The following SDCCAG8 variants were observed in gnomAD, a reference collection of about 807,000 sequenced individuals.
The protein encoded by SDCCAG8 is serologically defined colon cancer antigen 8.
Under a neutral mutation model 101.8 loss-of-function variants are expected in SDCCAG8, and 74 were observed. The observed-to-expected ratio is 0.73, with a 90% CI of 0.60 to 0.88. SDCCAG8 has a LOEUF of 0.88. Among genes scored for constraint, SDCCAG8 ranks in the 40% least tolerant of loss-of-function variants. The pLI, the probability that SDCCAG8 is intolerant of heterozygous loss-of-function variation, is 0.00. For synonymous variants in SDCCAG8, 281 were observed against 292.9 expected, an observed-to-expected ratio of 0.96 and a Z score of 0.41; for missense variants, 787 against 822.6, an observed-to-expected ratio of 0.96 and a Z score of 0.53.
intron 16 of SDCCAG8, among the ~76,000 whole-genome samples, chr1:243,437,465 G>A (rs2082211978): frequency 6.6e-6 from 1 of 151,930 alleles, no homozygotes. Context: ...AGGTTTGGAG[G>A]TACAGGGCAC....
intron 13 of SDCCAG8, among the ~76,000 whole-genome samples, chr1:243,396,203 A>G (rs367907293): frequency 2.6e-5 from 4 of 152,172 alleles, no homozygotes; most frequent in East Asian, 3.8e-4. Context: ...ATGAAGGGAG[A>G]GTAAATACTT....
chr1:243,474,700 G>A lies in SDCCAG8; in HGVS notation c.1986-14314G>A, dbSNP rs552618735. ...ACCTGCAGAGGCACAATTGCCCAGC[G>A]TGGGGTGGAAGGCAGGCTGGGAGCT... On this transcript the variant is annotated intron_variant, in intron 16 of 17. Transcript: ENST00000366541. This position sits in a 1 kb window ranked among gnomAD's most constrained non-coding sequence, Gnocchi z 4.7. Among the ~76,000 whole-genome samples, 1 of 152,354 alleles carries A rather than the reference G, an allele frequency of 6.6e-6. No individual in the cohort carries two copies. The highest frequency in any genetic ancestry group is 2.1e-4 in the South Asian group (1 of 4,834).
chr1:243,319,027 C>T (rs2073516134), intron 9 of SDCCAG8, among the ~76,000 whole-genome samples: 1 of 152,140 alleles, frequency 6.6e-6, no homozygotes, highest in South Asian at 2.1e-4. Context: ...CTGGTAAGGC[C>T]TCAGGAAGAT....
intron 7 of SDCCAG8, chr1:243,306,261 T>G (rs1028991566): frequency 6.6e-6 from 1 of 152,202 alleles, no homozygotes; most frequent in African/African-American, 2.4e-5. Context: ...ATACTCTAAT[T>G]TTTGCTTTCT....
intron 2 of SDCCAG8, among the ~76,000 whole-genome samples, chr1:243,270,506 T>G (rs2067999068): frequency 6.6e-6 from 1 of 152,216 alleles, no homozygotes; most frequent in Non-Finnish European, 1.5e-5. Flanking sequence ...CCTCTTCGGC[T>G]CATCTTTGTG....
chr1:243,318,745 G>T (rs1156771078), intron 9 of SDCCAG8, among the ~76,000 whole-genome samples: 1 of 152,130 alleles, frequency 6.6e-6, no homozygotes, highest in Admixed American at 6.6e-5. Context: ...AAAACCTTCA[G>T]TGAAGGCCCT....
chr1:243,344,368 A>T, intron 12 of SDCCAG8, 37 bp downstream of exon 12: 1 of 1,287,356 alleles, frequency 7.8e-7, no homozygotes, highest in Non-Finnish European at 1.1e-6. Context: ...GCAATTATAG[A>T]TATGAGTAAC....
intron 16 of SDCCAG8, among the ~76,000 whole-genome samples, chr1:243,429,099 A>G (rs1036032931): frequency 2.0e-5 from 3 of 152,198 alleles, no homozygotes; most frequent in Non-Finnish European, 2.9e-5. Flanking sequence ...TCATGACGTT[A>G]CAAGCAAAAG....
At chr1:243,310,761 A>C (rs998762357) in intron 8 of SDCCAG8, among the ~76,000 whole-genome samples, 2 of 152,246 alleles carry the variant, frequency 1.3e-5, no homozygotes, top group Non-Finnish European at 2.9e-5. Flanking sequence ...CTTTGAAACA[A>C]ACAAAAAGGA....
At chr1:243,412,736 T>G (rs2080270110) in intron 13 of SDCCAG8, among the ~76,000 whole-genome samples, 1 of 152,070 alleles carries the variant, frequency 6.6e-6, no homozygotes, top group African/African-American at 2.4e-5. Flanking sequence ...TAAAATAGGA[T>G]TCCCCAAATA....
chr1:243,285,018 G>A (rs568546258), intron 4 of SDCCAG8, among the ~76,000 whole-genome samples: 2 of 152,226 alleles, frequency 1.3e-5, no homozygotes, highest in East Asian at 3.9e-4. Flanking sequence ...GAGTAGCTGG[G>A]ACTACAGGCG....
chr1:243,265,618 G>C (rs2067518946), intron 1 of SDCCAG8, among the ~76,000 whole-genome samples: 1 of 152,182 alleles, frequency 6.6e-6, no homozygotes, highest in Non-Finnish European at 1.5e-5. Context: ...TTTGAGACCA[G>C]CCTGGCCAAC....
chr1:243,497,843 T>C (rs1208698865), intron 17 of SDCCAG8, among the ~76,000 whole-genome samples: 3 of 152,158 alleles, frequency 2.0e-5, no homozygotes, highest in Non-Finnish European at 2.9e-5. Flanking sequence ...CACACATGGC[T>C]AATTTTTACA....
intron 16 of SDCCAG8, among the ~76,000 whole-genome samples, chr1:243,477,823 T>C (rs1043201427): frequency 2.0e-5 from 3 of 152,246 alleles, no homozygotes; most frequent in Non-Finnish European, 4.4e-5. Flanking sequence ...GCATCCTTTG[T>C]GCCAACACCA....
chr1:243,424,827 G>T (rs1312054341), intron 15 of SDCCAG8, among the ~76,000 whole-genome samples: 6 of 151,528 alleles, frequency 4.0e-5, no homozygotes, highest in South Asian at 2.1e-4. Flanking sequence ...TTTTTTCTTT[G>T]TGATTTTTCT....
chr1:243,320,513 A>T (rs1163963301), intron 9 of SDCCAG8, among the ~76,000 whole-genome samples: 2 of 152,080 alleles, frequency 1.3e-5, no homozygotes, highest in African/African-American at 4.8e-5. Context: ...CCTGTCTCCC[A>T]GTACACTCAG....
rs1333371147 is a variant in SDCCAG8, at chr1:243,348,217, TTTTTTTG to T, written c.1473+3888_1473+3894del. 5.0e-4 allele frequency among the ~76,000 whole-genome samples: 54 copies of T among 107,098 alleles called. No individual in the cohort carries two copies. In the East Asian group the frequency reaches 0.015, roughly 29 times the overall value. The allele number at this position is 107,098 out of a possible 152,430, so 70.3% of individuals were successfully genotyped here. On this transcript the variant is annotated intron_variant, in intron 12 of 17. Transcript: ENST00000366541. ...CGCCCGGCTAATTTTTTTTTTTTTT[TTTTTTTG>T]TATTTTTAGTAGAGACGGGGTTTCG... is the stretch of plus-strand genomic sequence containing the variant.
chr1:243,497,337 T>TCG lies in SDCCAG8; in HGVS notation c.2113-2419_2113-2418insCG, dbSNP rs1259528981. ...GGTCAGGCACGGCTGTAGGCACGGG[T>TCG]GGGGGGGGGGGCGTTGAGCAGTGAA... On this transcript the variant is annotated intron_variant, in intron 17 of 17. Transcript: ENST00000366541. 8.5e-5 allele frequency among the ~76,000 whole-genome samples: 3 copies of TCG among 35,362 alleles called. 1 individual carries two copies. Among genetic ancestry groups the TCG allele is most frequent in the Non-Finnish European group, 2.0e-4 (3 of 14,984 alleles). 23.2% of individuals were successfully genotyped at this position (35,362 alleles called of 152,430 possible).
chr1:243,325,025 T>A (rs936348645), intron 9 of SDCCAG8, among the ~76,000 whole-genome samples: 1 of 152,226 alleles, frequency 6.6e-6, no homozygotes, highest in Non-Finnish European at 1.5e-5. Flanking sequence ...CTTGTTTGAA[T>A]TAACTTCTTT....
Sources: gnomAD v4.1 joint callset for allele counts (sites outside exome capture counted in the v4.1 genomes callset) on GRCh38, gnomAD v4.1.1 for gene constraint, Gnocchi (gnomAD v3.1) non-coding constraint, MANE v1.5 for transcripts, NCBI Gene and HGNC (gene_info 2026-07-23, HGNC 2026-07-21) for gene names.